Variants in VKORC1L1 observed in about 807,000 individuals in gnomAD.
VKORC1L1 encodes the protein vitamin K epoxide reductase complex subunit 1L1.
VKORC1L1 carries 2 observed loss-of-function variants against 18.9 expected under a neutral mutation model. The observed-to-expected ratio is 0.11, with a 90% confidence interval of 0.04 to 0.33. The LOEUF is 0.33. Ranked by LOEUF, VKORC1L1 falls within the 10% of genes least tolerant of loss-of-function variation. VKORC1L1 has a pLI of 1.00. For synonymous variants in VKORC1L1, 96 were observed against 100.0 expected, an observed-to-expected ratio of 0.96 and a Z score of 0.24; for missense variants, 123 against 224.1, an observed-to-expected ratio of 0.55 and a Z score of 2.88.
At chr7:65,894,538 C>T (rs903794153) in intron 1 of VKORC1L1, among the ~76,000 whole-genome samples, 2 of 151,298 alleles carry the variant, frequency 1.3e-5, no homozygotes, top group African/African-American at 4.9e-5. Context: ...ACCATCCTGG[C>T]TAACACGGTG....
intron 1 of VKORC1L1, among the ~76,000 whole-genome samples, chr7:65,898,814 A>G (rs1562987960): frequency 6.6e-6 from 1 of 152,294 alleles, no homozygotes; most frequent in South Asian, 2.1e-4. Flanking sequence ...TAGCCATTAA[A>G]CAAGTACTTA....
intron 2 of VKORC1L1, among the ~76,000 whole-genome samples, chr7:65,952,596 G>A (rs1484803928): frequency 6.6e-6 from 1 of 151,800 alleles, no homozygotes; most frequent in African/African-American, 2.4e-5. Flanking sequence ...GCTCCCACCT[G>A]TTATTTTGTT....
At position 65,957,475 on chromosome 7, in the gene VKORC1L1, TCC is replaced by T. The variant is rs11296119; in HGVS notation, c.*3183_*3184del. The T allele has an allele frequency of 5.5e-4, 70 of 126,926 alleles. No homozygotes were observed. The highest frequency in any genetic ancestry group is 9.1e-4 in the East Asian group (4 of 4,374). The allele number at this position is 126,926 out of a possible 1,614,324, so 7.9% of individuals were successfully genotyped here. ...CAGCCTGGCCAACAGAGCGAGACTG[TCC>T]CCCCCCCAAAAAAAAAAGAGAGAGA... is the stretch of plus-strand genomic sequence containing the variant. On this transcript the variant is annotated 3_prime_UTR_variant, in exon 3 of 3. Coordinates refer to ENST00000360768, the MANE Select transcript of VKORC1L1 (RefSeq NM_173517.6).
At position 65,873,400 on chromosome 7, in the gene VKORC1L1, C is replaced by G; in HGVS notation, c.29C>G (p.Ser10Trp). MAAPVLLRV[S>W]VPRWERVARY... ...GCGGCTCCCGTCCTGCTAAGAGTGT[C>G]GGTGCCGCGGTGGGAGCGGGTGGCC... The change falls in exon 1 of 3, where the codon TCG becomes TGG. Residue 10 changes from serine (S) to tryptophan (W), a missense_variant. Ser to Trp is a radical substitution (Grantham distance 177). This residue lies in a region of VKORC1L1 where 60 missense variants were observed against 76.9 expected (regional missense o/e 0.78). Transcript: ENST00000360768. 1 of 1,573,696 alleles carries G rather than the reference C, an allele frequency of 6.4e-7. No individual in the cohort carries two copies. Among genetic ancestry groups the G allele is most frequent in the Non-Finnish European group, 8.6e-7 (1 of 1,163,822 alleles).
intron 1 of VKORC1L1, among the ~76,000 whole-genome samples, chr7:65,888,841 G>A (rs555905918): frequency 6.6e-6 from 1 of 152,230 alleles, no homozygotes; most frequent in Non-Finnish European, 1.5e-5. Flanking sequence ...TACCTCAAAA[G>A]ACAGCACAAA....
intron 1 of VKORC1L1, among the ~76,000 whole-genome samples, chr7:65,946,819 A>T (rs1790125830): frequency 6.6e-6 from 1 of 152,124 alleles, no homozygotes; most frequent in Non-Finnish European, 1.5e-5. Flanking sequence ...AATATAATGG[A>T]AATTATTTTA....
chr7:65,878,436 A>T (rs183893586), intron 1 of VKORC1L1, among the ~76,000 whole-genome samples: 1 of 151,696 alleles, frequency 6.6e-6, no homozygotes, highest in East Asian at 2.0e-4. Context: ...AATAAGAGGG[A>T]AACTCTGTCT....
At chr7:65,938,285 C>G (rs1384842726) in intron 1 of VKORC1L1, among the ~76,000 whole-genome samples, 1 of 151,956 alleles carries the variant, frequency 6.6e-6, no homozygotes, top group East Asian at 1.9e-4. Flanking sequence ...AGAGAGAACA[C>G]ATAAAATTAA....
intron 1 of VKORC1L1, among the ~76,000 whole-genome samples, chr7:65,939,624 G>A (rs1341815962): frequency 6.6e-6 from 1 of 152,178 alleles, no homozygotes; most frequent in African/African-American, 2.4e-5. Flanking sequence ...TGGCTGTGGT[G>A]GTTGCAGTAG....
At chr7:65,881,612 C>T (rs1485078115) in intron 1 of VKORC1L1, among the ~76,000 whole-genome samples, 5 of 152,104 alleles carry the variant, frequency 3.3e-5, no homozygotes, top group Admixed American at 6.6e-5. Context: ...AAACTTCATA[C>T]AACCACACAC....
intron 1 of VKORC1L1, among the ~76,000 whole-genome samples, chr7:65,876,730 T>A (rs2116321646): frequency 6.6e-6 from 1 of 152,224 alleles, no homozygotes; most frequent in African/African-American, 2.4e-5. Context: ...CCTCAGTTTC[T>A]TATGTTAAAT....
intron 1 of VKORC1L1, among the ~76,000 whole-genome samples, chr7:65,947,420 T>G (rs1188777137): frequency 1.3e-5 from 2 of 152,008 alleles, no homozygotes; most frequent in African/African-American, 4.8e-5. Context: ...ACTGGTTTTT[T>G]TTTTTTTTTT....
intron 1 of VKORC1L1, among the ~76,000 whole-genome samples, chr7:65,896,512 G>C (rs1305177377): frequency 6.6e-6 from 1 of 151,748 alleles, no homozygotes; most frequent in Admixed American, 6.6e-5. Context: ...CAATGTAATA[G>C]GTTCCGCTCC....
At chr7:65,922,290 T>C (rs966889677) in intron 1 of VKORC1L1, among the ~76,000 whole-genome samples, 2 of 151,652 alleles carry the variant, frequency 1.3e-5, no homozygotes, top group Admixed American at 6.6e-5. Flanking sequence ...TTTTTTTTTT[T>C]CTTGAGACAG....
chr7:65,885,250 T>G (rs1788992692), intron 1 of VKORC1L1, among the ~76,000 whole-genome samples: 1 of 152,156 alleles, frequency 6.6e-6, no homozygotes, highest in South Asian at 2.1e-4. Context: ...GTTGTTTATC[T>G]TTTCTTCTTA....
At chr7:65,953,205 T>C (rs1276325254) in intron 2 of VKORC1L1, among the ~76,000 whole-genome samples, 2 of 152,244 alleles carry the variant, frequency 1.3e-5, no homozygotes, top group Non-Finnish European at 2.9e-5. Context: ...GTTTCCCTTA[T>C]CCACCAGGGT....
At chr7:65,943,018 C>T (rs1790062127) in intron 1 of VKORC1L1, among the ~76,000 whole-genome samples, 1 of 152,134 alleles carries the variant, frequency 6.6e-6, no homozygotes, top group Non-Finnish European at 1.5e-5. Context: ...GATATAAGTA[C>T]AAATTATGGT....
At chr7:65,896,655 C>G (rs1466102759) in intron 1 of VKORC1L1, among the ~76,000 whole-genome samples, 1 of 147,512 alleles carries the variant, frequency 6.8e-6, no homozygotes, top group Non-Finnish European at 1.5e-5. Flanking sequence ...GATTCTTCAT[C>G]ATTCAACTTG....
At position 65,958,484 on chromosome 7, in the gene VKORC1L1, A is replaced by G. The variant is rs1790337613; in HGVS notation, c.*4184A>G. On this transcript the variant is annotated 3_prime_UTR_variant, in exon 3 of 3. Coordinates refer to ENST00000360768, the MANE Select transcript of VKORC1L1 (RefSeq NM_173517.6). Reference sequence around the variant, plus strand: ...TAAATAAAACCAAATGTAAATATGTAAGAATGTTTATTTGTTGCACATAAC... The same window carrying G: ...TAAATAAAACCAAATGTAAATATGTGAGAATGTTTATTTGTTGCACATAAC... 6.6e-6 allele frequency: 1 copy of G among 152,224 alleles called. No individual in the cohort carries two copies. Among genetic ancestry groups the G allele is most frequent in the Non-Finnish European group, 1.5e-5 (1 of 68,030 alleles). The allele number at this position is 152,224 out of a possible 1,614,324, so 9.4% of individuals were successfully genotyped here. A position where few individuals can be genotyped will look rare whatever the true frequency, so the allele number is the denominator to read the frequency against.
Sources: allele counts gnomAD v4.1 joint callset (sites outside exome capture counted in the v4.1 genomes callset), GRCh38; gene constraint gnomAD v4.1.1; regional missense constraint gnomAD v4.1.1; transcripts MANE v1.5; gene names NCBI Gene and HGNC (gene_info 2026-07-23, HGNC 2026-07-21).